Variants in EMP2 observed in about 807,000 individuals in gnomAD.
The protein encoded by EMP2 is epithelial membrane protein 2.
A neutral mutation model predicts 13.7 loss-of-function variants in EMP2; 19 were observed. That is an observed-to-expected ratio of 1.38 (90% confidence interval 0.97 to 2.03). EMP2 has a LOEUF of 2.03. Among genes scored for constraint, EMP2 ranks in the 30% most tolerant of loss-of-function variants. The pLI is 0.00. For synonymous variants in EMP2, 97 were observed against 84.7 expected, an observed-to-expected ratio of 1.15 and a Z score of -0.80; for missense variants, 253 against 220.7, an observed-to-expected ratio of 1.15 and a Z score of -0.93.
intron 1 of EMP2, among the ~76,000 whole-genome samples, chr16:10,558,511 C>T (rs998198931): frequency 6.6e-6 from 1 of 151,062 alleles, no homozygotes; most frequent in Non-Finnish European, 1.5e-5. Context: ...GTGTGTCGCA[C>T]GTCTAGCTCT....
At chr16:10,541,566 C>T (rs2050699071) in intron 3 of EMP2, among the ~76,000 whole-genome samples, 1 of 152,190 alleles carries the variant, frequency 6.6e-6, no homozygotes, top group South Asian at 2.1e-4. Context: ...TTCAGAAAAA[C>T]AGCCACAGAG....
chr16:10,537,398 C>T (rs2050655442), intron 4 of EMP2, among the ~76,000 whole-genome samples: 1 of 152,174 alleles, frequency 6.6e-6, no homozygotes, highest in Admixed American at 6.5e-5. Context: ...CTCTGTCACC[C>T]ACCAGCTTGA....
At chr16:10,564,833 C>T (rs543453428) in intron 1 of EMP2, among the ~76,000 whole-genome samples, 14 of 152,144 alleles carry the variant, frequency 9.2e-5, no homozygotes, top group Non-Finnish European at 2.1e-4. Flanking sequence ...CCCAGCAACG[C>T]TTATGTCGAC....
chr16:10,575,592 A>C (rs752786929), intron 1 of EMP2, among the ~76,000 whole-genome samples: 1 of 151,980 alleles, frequency 6.6e-6, no homozygotes, highest in Non-Finnish European at 1.5e-5. Flanking sequence ...ACCTCCTCTG[A>C]AGACAGGAAA....
Position 10,529,086 on chromosome 16 carries a change from C to T in EMP2, c.*3819G>A, listed in dbSNP as rs949950531. ...TTCTCCAAACTCATTTGAACAGAGACCCAAAATAATTTTAATGCAAATAAC... is the reference window on the plus strand; with the variant it reads ...TTCTCCAAACTCATTTGAACAGAGATCCAAAATAATTTTAATGCAAATAAC... On this transcript the variant is annotated 3_prime_UTR_variant, in exon 5 of 5. Transcript: ENST00000359543. 2 of 152,146 alleles carry T rather than the reference C, an allele frequency of 1.3e-5. No homozygotes were observed. Among genetic ancestry groups the T allele is most frequent in the Admixed American group, 1.3e-4 (2 of 15,266 alleles). 9.4% of individuals were successfully genotyped at this position (152,146 alleles called of 1,614,324 possible).
rs1449228436 is a variant in EMP2 at position 10,531,688 on chromosome 16, G to A, written c.*1217C>T. 6.5e-6 allele frequency: 1 copy of A among 152,682 alleles called. No individual in the cohort carries two copies. The highest frequency in any genetic ancestry group is 1.5e-5 in the Non-Finnish European group (1 of 68,220). The allele number at this position is 152,682 out of a possible 1,614,324, so 9.5% of individuals were successfully genotyped here. On this transcript the variant is annotated 3_prime_UTR_variant, in exon 5 of 5. Transcript: ENST00000359543. ...CACTAGGCCATGAGCCCTAGGAGGA[G>A]ATTGTCTCTAGAGGGTATCCCCTGT...
At chr16:10,543,334 T>TA (rs2050715041) in intron 3 of EMP2, among the ~76,000 whole-genome samples, 2 of 152,256 alleles carry the variant, frequency 1.3e-5, no homozygotes, top group African/African-American at 4.8e-5. Context: ...AGAGAAGGCA[T>TA]GAGGTCCAAC....
At chr16:10,558,277 T>G (rs1261405276) in intron 1 of EMP2, among the ~76,000 whole-genome samples, 1 of 152,172 alleles carries the variant, frequency 6.6e-6, no homozygotes, top group Non-Finnish European at 1.5e-5. Context: ...TCCTCCCACC[T>G]TGGCCTCCCA....
chr16:10,542,441 T>TC (rs60218184), intron 3 of EMP2, among the ~76,000 whole-genome samples: 12,252 of 111,608 alleles, frequency 0.11, 1,005 homozygotes, highest in African/African-American at 0.28. Flanking sequence ...AACTAAACCC[T>TC]CCCCCCCCAC....
chr16:10,553,080 G>A (rs992398400), intron 1 of EMP2, among the ~76,000 whole-genome samples: 5 of 152,206 alleles, frequency 3.3e-5, no homozygotes, highest in African/African-American at 7.2e-5. Flanking sequence ...TGTGAACCCA[G>A]GACATTGCTG....
chr16:10,539,136 G>C (rs921662760), intron 3 of EMP2, among the ~76,000 whole-genome samples: 2 of 152,180 alleles, frequency 1.3e-5, no homozygotes, highest in African/African-American at 4.8e-5. Context: ...TGGGAGTCCT[G>C]TGTAAGAGCT....
intron 1 of EMP2, among the ~76,000 whole-genome samples, chr16:10,556,729 T>A (rs6498086): frequency 0.54 from 82,307 of 152,088 alleles, 23,942 homozygotes; most frequent in African/African-American, 0.77. Flanking sequence ...GCAAGGTATC[T>A]TTATCCCCAT....
In EMP2 at chr16:10,528,993, T is replaced by C. The variant is rs1020922152; in HGVS notation, c.*3912A>G. On this transcript the variant is annotated 3_prime_UTR_variant, in exon 5 of 5. Transcript: ENST00000359543. ...CTATAGCAGAGTGTGTGGGAGTGAA[T>C]AGGTCTCCGATGTTCCTGTATTCAG... is the stretch of plus-strand genomic sequence containing the variant. The C allele has an allele frequency of 6.6e-6, 1 of 151,846 alleles. No homozygotes were observed. The highest frequency in any genetic ancestry group is 2.4e-5 in the African/African-American group (1 of 41,292). 9.4% of individuals were successfully genotyped at this position (151,846 alleles called of 1,614,324 possible). A position where few individuals can be genotyped will look rare whatever the true frequency, so the allele number is the denominator to read the frequency against.
intron 4 of EMP2, among the ~76,000 whole-genome samples, chr16:10,537,129 G>A (rs566478638): frequency 3.2e-4 from 48 of 152,230 alleles, no homozygotes; most frequent in Admixed American, 2.0e-3. Context: ...CAAGCCACTC[G>A]TCAACTCCTG....
chr16:10,539,114 G>T (rs2050674189), intron 3 of EMP2, among the ~76,000 whole-genome samples: 2 of 152,180 alleles, frequency 1.3e-5, no homozygotes, highest in Admixed American at 1.3e-4. Flanking sequence ...GGTTTGGAGG[G>T]TGCAGGCAAG....
chr16:10,543,571 T>A lies in EMP2; in HGVS notation c.168A>T (p.Gln56His), dbSNP rs1428641164. ...TCAGCTTCCTTCATTCACACTTACC[T>A]TGAAAGCTGTCATTGATGACTGTGC... The part of the protein sequence containing the change: ...TNCTVINDSF[Q>H]EYSTLQAVQA... Residue 56 changes from glutamine to histidine, a missense_variant and splice_region_variant, in exon 3 of 5, where the codon CAA becomes CAT. By Grantham distance (24) the Gln-to-His change is conservative (BLOSUM62 0). Transcript: ENST00000359543. 1 of 1,614,030 alleles carries A rather than the reference T, an allele frequency of 6.2e-7. No individual in the cohort carries two copies. Among genetic ancestry groups the A allele is most frequent in the African/African-American group, 1.3e-5 (1 of 74,944 alleles).
Position 10,567,131 on chromosome 16 carries a change from A to G in EMP2, c.-61+13418T>C, listed in dbSNP as rs1180138117. ...AACATTATCTGCCATTTTCTTATGTATCGCTGTGCACTTCTTTTTTCTGTC... is the reference window on the plus strand; with the variant it reads ...AACATTATCTGCCATTTTCTTATGTGTCGCTGTGCACTTCTTTTTTCTGTC... On this transcript the variant is annotated intron_variant, in intron 1 of 4. Transcript: ENST00000359543. Among the ~76,000 whole-genome samples the G allele has an allele frequency of 2.0e-5, 3 of 152,152 alleles. No individual in the cohort carries two copies. The East Asian group carries it at 5.8e-4, about 29-fold the overall frequency.
chr16:10,540,196 C>T (rs766514068), intron 3 of EMP2, among the ~76,000 whole-genome samples: 2 of 152,142 alleles, frequency 1.3e-5, no homozygotes, highest in Non-Finnish European at 2.9e-5. Context: ...GAGGGATGCT[C>T]ACTTTGCTCA....
chr16:10,542,218 T>C (rs930638011), intron 3 of EMP2, among the ~76,000 whole-genome samples: 1 of 151,946 alleles, frequency 6.6e-6, no homozygotes, highest in Non-Finnish European at 1.5e-5. Context: ...GGCAACATGG[T>C]GAAACTCCAT....
Sources: allele counts gnomAD v4.1 joint callset (sites outside exome capture counted in the v4.1 genomes callset), GRCh38; gene constraint gnomAD v4.1.1; transcripts MANE v1.5; gene names NCBI Gene and HGNC (gene_info 2026-07-23, HGNC 2026-07-21).